UGT2B28: variants seen among roughly 807,000 people sequenced by gnomAD.
The protein encoded by UGT2B28 is UDP-glucuronosyltransferase 2B28.
A neutral mutation model predicts 43.6 loss-of-function variants in UGT2B28; 45 were observed. The ratio of observed to expected loss-of-function variants is 1.03; its 90% CI spans 0.81 to 1.32. The LOEUF (loss-of-function observed/expected upper bound fraction) is 1.32, where lower values mean the gene tolerates loss of function less well. Among genes scored for constraint, UGT2B28 ranks in the 40% most tolerant of loss-of-function variants. UGT2B28 has a pLI of 0.00. For missense variants in UGT2B28, 649 were observed against 625.5 expected (o/e 1.04, Z -0.40); for synonymous variants, 204 against 208.1 (o/e 0.98, Z 0.17).
In UGT2B28 at chr4:69,286,874, C is replaced by A. The variant is rs1323225029; in HGVS notation, c.993C>A (p.Ile331=). ...TAATTGCAACAGCCCTTGCCAAGAT[C>A]CCACAAAAGGTAAGATAAAGTGCCT... ...ANVIATALAK[I]PQKVLWRFDG... Residue 331 remains isoleucine, a synonymous_variant, in exon 3 of 6, where the codon ATC becomes ATA. Coordinates refer to ENST00000335568, the MANE Select transcript of UGT2B28 (RefSeq NM_053039.2). 6.4e-7 allele frequency: 1 copy of A among 1,555,110 alleles called. No individual in the cohort carries two copies. The highest frequency in any genetic ancestry group is 8.7e-7 in the Non-Finnish European group (1 of 1,153,836).
intron 2 of UGT2B28, 100 bp downstream of exon 2, chr4:69,282,762 A>G: frequency 6.9e-7 from 1 of 1,458,084 alleles, no homozygotes; most frequent in Non-Finnish European, 9.0e-7. Context: ...ACTGAAAGAA[A>G]GATGGGAAGT....
rs769073626 is a variant in UGT2B28, at chr4:69,287,719, C to G, written c.1002+836C>G. Among the ~76,000 whole-genome samples, 38 of 139,728 alleles carry G rather than the reference C, an allele frequency of 2.7e-4. 1 individual carries two copies. The highest frequency in any genetic ancestry group is 4.6e-4 in the Non-Finnish European group (30 of 65,604). The allele number at this position is 139,728 out of a possible 152,430, so 91.7% of individuals were successfully genotyped here. ...AGGAAGGAGTCAAACAGAAGGAAGC[C>G]AGGCAGGGGAACAGGTTTAGATGTC... On this transcript the variant is annotated intron_variant, in intron 3 of 5. Coordinates refer to ENST00000335568, the MANE Select transcript of UGT2B28 (RefSeq NM_053039.2).
Position 69,282,408 on chromosome 4 carries a change from C to T in UGT2B28, c.722-106C>T, listed in dbSNP as rs1199110815. ...ATATGTATATATTTTTCAAAGCACA[C>T]AAACTTTACCTACATCTTTGCCTAC... On this transcript the variant is annotated intron_variant, in intron 1 of 5. Coordinates refer to ENST00000335568, the MANE Select transcript of UGT2B28 (RefSeq NM_053039.2). 4.1e-6 allele frequency: 5 copies of T among 1,221,338 alleles called. No homozygotes were observed. In the South Asian group the frequency reaches 7.9e-5, roughly 19 times the overall value. The allele number at this position is 1,221,338 out of a possible 1,614,324, so 75.7% of individuals were successfully genotyped here.
chr4:69,295,048 C>T lies in UGT2B28; in HGVS notation c.*239C>T, dbSNP rs1724067566. 2.9e-6 allele frequency: 1 copy of T among 349,730 alleles called. No homozygotes were observed. The highest frequency in any genetic ancestry group is 5.2e-5 in the Admixed American group (1 of 19,398). The allele number at this position is 349,730 out of a possible 1,614,324, so 21.7% of individuals were successfully genotyped here. ...AGGGAAAATAAAAAATAATATAAAG[C>T]CATATGAGCTCATATTGAAATTTGT... On this transcript the variant is annotated 3_prime_UTR_variant, in exon 6 of 6. Coordinates refer to ENST00000335568, the MANE Select transcript of UGT2B28 (RefSeq NM_053039.2).
intron 5 of UGT2B28, among the ~76,000 whole-genome samples, chr4:69,291,647 A>T (rs1340997508): frequency 4.3e-5 from 6 of 140,678 alleles, no homozygotes; most frequent in Non-Finnish European, 1.5e-5. Context: ...TTGTCAGTTC[A>T]TTGGCCTTTT....
intron 5 of UGT2B28, 122 bp from the exon 6 acceptor site, chr4:69,294,408 C>T: frequency 1.9e-6 from 2 of 1,064,024 alleles, no homozygotes; most frequent in Non-Finnish European, 2.4e-6. Context: ...TACACAAATT[C>T]TCTGTCAATT....
In UGT2B28 at chr4:69,280,997, T is replaced by C. The variant is rs1422495248; in HGVS notation, c.497T>C (p.Ile166Thr). 2.6e-6 allele frequency: 4 copies of C among 1,560,180 alleles called. No homozygotes were observed. The highest frequency in any genetic ancestry group is 1.5e-5 in the African/African-American group (1 of 66,164). The change falls in exon 1 of 6, where the codon ATA (isoleucine) becomes ACA (threonine). Residue 166 changes from isoleucine (I) to threonine (T), a missense_variant. Physicochemically the swap from Ile to Thr is moderately conservative, Grantham distance 89. Coordinates refer to ENST00000335568, the MANE Select transcript of UGT2B28 (RefSeq NM_053039.2). ...GAGCTGCTGGCTGCGCTACTTAACA[T>C]ACCGTTTGTGTACAGTCTCTGCTTC... is the stretch of plus-strand genomic sequence containing the variant. ...CGELLAALLN[I>T]PFVYSLCFTP...
At chr4:69,288,757 C>T (rs1359925191) in intron 3 of UGT2B28, among the ~76,000 whole-genome samples, 1 of 138,934 alleles carries the variant, frequency 7.2e-6, no homozygotes, top group East Asian at 2.1e-4. Context: ...CCTCCACCAT[C>T]CTATACATCT....
chr4:69,285,267 A>G (rs1349885175), intron 2 of UGT2B28, among the ~76,000 whole-genome samples: 1 of 140,772 alleles, frequency 7.1e-6, no homozygotes, highest in Non-Finnish European at 1.5e-5. Flanking sequence ...TAATATCTCT[A>G]GGTAGAAATT....
intron 1 of UGT2B28, 44 bp from the exon 2 acceptor site, chr4:69,282,470 A>C (rs760787684): frequency 1.3e-6 from 2 of 1,512,010 alleles, no homozygotes; most frequent in East Asian, 2.4e-5. Context: ...ATGTAAAGTA[A>C]TTATCTTACA....
intron 3 of UGT2B28, 88 bp downstream of exon 3, chr4:69,286,971 A>C: frequency 6.6e-7 from 1 of 1,504,602 alleles, no homozygotes; most frequent in Non-Finnish European, 8.8e-7. Flanking sequence ...TTAAGGCTAG[A>C]CTGAACTCTT....
At chr4:69,287,759 T>C (rs1723822157) in intron 3 of UGT2B28, among the ~76,000 whole-genome samples, 1 of 140,196 alleles carries the variant, frequency 7.1e-6, no homozygotes, top group African/African-American at 2.8e-5. Context: ...CCATAGAACA[T>C]AGTAGGAATG....
chr4:69,288,472 TAAAAC>T (rs1229101855), intron 3 of UGT2B28, among the ~76,000 whole-genome samples: 2 of 140,046 alleles, frequency 1.4e-5, no homozygotes, highest in East Asian at 4.0e-4. Context: ...ATAAAATACA[TAAAAC>T]AAACATATAG....
Position 69,281,051 on chromosome 4 carries a change from G to C in UGT2B28, c.551G>C (p.Ser184Thr). 1 of 1,559,680 alleles carries C rather than the reference G, an allele frequency of 6.4e-7. No individual in the cohort carries two copies. Among genetic ancestry groups the C allele is most frequent in the Non-Finnish European group, 8.7e-7 (1 of 1,155,370 alleles). Residue 184 changes from serine to threonine, a missense_variant, in exon 1 of 6, where the codon AGT (serine) becomes ACT (threonine). Transcript: ENST00000335568. ...FTPGYTIERH[S>T]GGLIFPPSYI... ...CCTGGCTACACAATTGAAAGGCACA[G>C]TGGAGGACTGATTTTCCCTCCTTCC...
rs1454623102 is a variant in UGT2B28 at position 69,290,733 on chromosome 4, C to A, written c.1232C>A (p.Ala411Glu). Residue 411 changes from alanine (A) to glutamate (E), a missense_variant, in exon 5 of 6, where the codon GCA becomes GAA. Physicochemically the swap from Ala to Glu is moderately radical, Grantham distance 107. Coordinates refer to ENST00000335568, the MANE Select transcript of UGT2B28 (RefSeq NM_053039.2). ...DNIAHMKAKG[A>E]AVRLDFHTMS... ...ATTGCTCACATGAAGGCCAAGGGAGCAGCTGTTAGACTGGACTTCCACACA... is the reference window on the plus strand; with the variant it reads ...ATTGCTCACATGAAGGCCAAGGGAGAAGCTGTTAGACTGGACTTCCACACA... 1 of 1,559,664 alleles carries A rather than the reference C, an allele frequency of 6.4e-7. No homozygotes were observed. The highest frequency in any genetic ancestry group is 1.8e-5 in the Admixed American group (1 of 56,300).
At chr4:69,288,933 T>A (rs1362619784) in intron 3 of UGT2B28, among the ~76,000 whole-genome samples, 4 of 141,036 alleles carry the variant, frequency 2.8e-5, no homozygotes, top group Non-Finnish European at 6.1e-5. Flanking sequence ...TGTTTTTTTA[T>A]GGCTGCATAA....
chr4:69,281,129 G>C lies in UGT2B28; in HGVS notation c.629G>C (p.Arg210Thr), dbSNP rs1723594902. ...AGTGATCAAATGACTTTCATGGAGA[G>C]GGTAAAAAACATGATCTATGTGCTT... ...KLSDQMTFME[R>T]VKNMIYVLYF... Residue 210 changes from arginine to threonine, a missense_variant, in exon 1 of 6, where the codon AGG becomes ACG. Arg to Thr is a moderately conservative substitution (Grantham distance 71). Coordinates refer to ENST00000335568, the MANE Select transcript of UGT2B28 (RefSeq NM_053039.2). The C allele has an allele frequency of 2.6e-6, 4 of 1,557,690 alleles. 1 individual carries two copies. In the East Asian group the frequency reaches 6.9e-5, roughly 27 times the overall value.
Position 69,294,526 on chromosome 4 carries a change from T to G in UGT2B28, c.1311-4T>G. On this transcript the variant is annotated splice_region_variant and splice_polypyrimidine_tract_variant and intron_variant, in intron 5 of 5. Transcript: ENST00000335568. ...GTGTTGGTATCTTTATTTTTATCCT[T>G]CAGATATAAAGAGAATGTTATGAAA... 4 of 1,528,288 alleles carry G rather than the reference T, an allele frequency of 2.6e-6. No homozygotes were observed. Among genetic ancestry groups the G allele is most frequent in the Non-Finnish European group, 3.5e-6 (4 of 1,140,780 alleles). The allele number at this position is 1,528,288 out of a possible 1,614,324, so 94.7% of individuals were successfully genotyped here. A position where few individuals can be genotyped will look rare whatever the true frequency, so the allele number is the denominator to read the frequency against.
chr4:69,288,350 C>T (rs1239265448), intron 3 of UGT2B28, among the ~76,000 whole-genome samples: 1 of 138,918 alleles, frequency 7.2e-6, no homozygotes, highest in Non-Finnish European at 1.5e-5. Flanking sequence ...AATCAAAGGA[C>T]AACAGGCTCT....
Sources: gnomAD v4.1 joint callset for allele counts (sites outside exome capture counted in the v4.1 genomes callset) on GRCh38, gnomAD v4.1.1 for gene constraint, MANE v1.5 for transcripts, NCBI Gene and HGNC (gene_info 2026-07-23, HGNC 2026-07-21) for gene names.